Variants in ENTPD7 observed in about 807,000 individuals in gnomAD.
The protein encoded by ENTPD7 is ectonucleoside triphosphate diphosphohydrolase 7.
A neutral mutation model predicts 77.9 loss-of-function variants in ENTPD7; 53 were observed. That is an observed-to-expected ratio of 0.68 (90% confidence interval 0.55 to 0.85). ENTPD7 has a LOEUF of 0.85. Among genes scored for constraint, ENTPD7 ranks in the 40% least tolerant of loss-of-function variants. The probability of loss-of-function intolerance (pLI) is 0.00; values close to 1 mark genes in which losing one functional copy is unlikely to be tolerated. For synonymous variants in ENTPD7, 248 were observed against 274.9 expected (o/e 0.90, Z 0.97); for missense variants, 636 against 743.7 (o/e 0.86, Z 1.68).
intron 3 of ENTPD7, among the ~76,000 whole-genome samples, chr10:99,663,353 G>T (rs572293374): frequency 3.7e-4 from 56 of 151,638 alleles, no homozygotes; most frequent in African/African-American, 1.3e-3. Context: ...TGTTCTCTCT[G>T]TATAGAATGT....
At chr10:99,681,388 C>T (rs532524164) in intron 5 of ENTPD7, among the ~76,000 whole-genome samples, 133 of 152,210 alleles carry the variant, frequency 8.7e-4, no homozygotes, top group Middle Eastern at 3.4e-3. Context: ...AGGTGATTCT[C>T]CCACCTCAGC....
At chr10:99,669,451 AT>A (rs564277266) in intron 3 of ENTPD7, among the ~76,000 whole-genome samples, 51 of 151,936 alleles carry the variant, frequency 3.4e-4, no homozygotes, top group African/African-American at 1.2e-3. Context: ...AAAGACTTAC[AT>A]TTTTTTTCTT....
chr10:99,690,728 G>A (rs1265843210), intron 7 of ENTPD7, among the ~76,000 whole-genome samples: 2 of 151,056 alleles, frequency 1.3e-5, no homozygotes, highest in Non-Finnish European at 3.0e-5. Flanking sequence ...TTTTAGTAGA[G>A]ACAGGGTTTC....
At chr10:99,698,112 C>T (rs759301890) in intron 9 of ENTPD7, among the ~76,000 whole-genome samples, 2 of 152,160 alleles carry the variant, frequency 1.3e-5, no homozygotes, top group South Asian at 2.1e-4. Flanking sequence ...GGGCCACTGC[C>T]GTGGTCTGCT....
intron 3 of ENTPD7, among the ~76,000 whole-genome samples, chr10:99,666,108 G>A (rs2035547068): frequency 6.6e-6 from 1 of 152,206 alleles, no homozygotes; most frequent in African/African-American, 2.4e-5. Flanking sequence ...GCTAGATCAA[G>A]CTGAGTCTGT....
In ENTPD7 at chr10:99,679,970, C is replaced by T. The variant is rs1335205923; in HGVS notation, c.548+95C>T. On this transcript the variant is annotated intron_variant, in intron 5 of 12. Transcript: ENST00000370489. ...GTCCTCTGTGGTTCCCTGGTCTATACCCCTAAACCCAATTATGACACAATC... is the reference window on the plus strand; with the variant it reads ...GTCCTCTGTGGTTCCCTGGTCTATATCCCTAAACCCAATTATGACACAATC... 17 of 1,395,330 alleles carry T rather than the reference C, an allele frequency of 1.2e-5. 1 individual carries two copies. In the Admixed American group the frequency reaches 3.9e-4, roughly 32 times the overall value. The allele number at this position is 1,395,330 out of a possible 1,614,324, so 86.4% of individuals were successfully genotyped here.
chr10:99,680,860 A>G (rs1185524842), intron 5 of ENTPD7, among the ~76,000 whole-genome samples: 1 of 152,188 alleles, frequency 6.6e-6, no homozygotes, highest in Non-Finnish European at 1.5e-5. Flanking sequence ...TTCAAGCGTC[A>G]GCTACCATGT....
chr10:99,660,022 G>T (rs1331748545), intron 2 of ENTPD7, 58 bp downstream of exon 2: 1 of 1,612,242 alleles, frequency 6.2e-7, no homozygotes, highest in Non-Finnish European at 8.5e-7. Context: ...CAGGCAGGTT[G>T]GGGGGCCCTG....
At position 99,698,636 on chromosome 10, in the gene ENTPD7, A is replaced by C; in HGVS notation, c.1113A>C (p.Leu371Phe). 1 of 1,614,228 alleles carries C rather than the reference A, an allele frequency of 6.2e-7. No individual in the cohort carries two copies. The highest frequency in any genetic ancestry group is 8.5e-7 in the Non-Finnish European group (1 of 1,180,032). ...TDVVERNSQV[L>F]HVRGRGDWVS... ...TGGTGGAGAGGAACAGCCAAGTCTT[A>C]CATGTCCGAGGAAGAGGAGACTGGG... The change falls in exon 10 of 13, where the codon TTA (leucine) becomes TTC (phenylalanine). Residue 371 changes from leucine to phenylalanine, a missense_variant. This residue lies in a region of ENTPD7 where 486 missense variants were observed against 556.5 expected (regional missense o/e 0.87). Transcript: ENST00000370489.
intron 6 of ENTPD7, among the ~76,000 whole-genome samples, chr10:99,687,922 A>G (rs931146552): frequency 2.0e-5 from 3 of 152,162 alleles, no homozygotes; most frequent in Non-Finnish European, 4.4e-5. Context: ...AGGGAGCCTA[A>G]ATAAACAATA....
rs1590072644 is a variant in ENTPD7, at chr10:99,709,520, A to G, written c.*4837A>G. On this transcript the variant is annotated 3_prime_UTR_variant, in exon 13 of 13. Transcript: ENST00000370489. ...TCAAAACCAAAAGTTGTGATTAATA[A>G]TAACAGGATTATTAGTCAATAATAT... 2.0e-6 allele frequency: 2 copies of G among 983,754 alleles called. No individual in the cohort carries two copies. The highest frequency in any genetic ancestry group is 1.1e-4 in the East Asian group (1 of 8,806). 60.9% of individuals were successfully genotyped at this position (983,754 alleles called of 1,614,324 possible).
At chr10:99,687,864 A>G (rs2035834114) in intron 6 of ENTPD7, among the ~76,000 whole-genome samples, 1 of 152,086 alleles carries the variant, frequency 6.6e-6, no homozygotes, top group African/African-American at 2.4e-5. Context: ...TCTGCCATGC[A>G]CTTCTCATGA....
intron 11 of ENTPD7, 55 bp from the exon 12 acceptor site, chr10:99,702,457 A>G: frequency 6.9e-7 from 1 of 1,445,296 alleles, no homozygotes; most frequent in Non-Finnish European, 9.2e-7. Context: ...ATTGCAAAGG[A>G]AAGTATTAGA....
At chr10:99,682,819 G>A (rs1290309045) in intron 5 of ENTPD7, among the ~76,000 whole-genome samples, 2 of 152,190 alleles carry the variant, frequency 1.3e-5, no homozygotes, top group South Asian at 4.1e-4. Context: ...AAAGGCCAAG[G>A]AAAGGGGAGG....
chr10:99,692,757 T>C (rs147425335), intron 8 of ENTPD7, among the ~76,000 whole-genome samples: 3 of 152,322 alleles, frequency 2.0e-5, no homozygotes, highest in African/African-American at 7.2e-5. Context: ...CTGGCTTTTA[T>C]TTCCATAGAT....
At chr10:99,702,751 T>C in intron 12 of ENTPD7, 78 bp downstream of exon 12, 4 of 1,392,014 alleles carry the variant, frequency 2.9e-6, no homozygotes, top group Non-Finnish European at 3.8e-6. Context: ...TTCTTTCTTT[T>C]TTTTTTTAAC....
intron 4 of ENTPD7, 82 bp from the exon 5 acceptor site, chr10:99,679,643 C>G (rs1473124755): frequency 1.3e-5 from 19 of 1,516,156 alleles, no homozygotes; most frequent in Non-Finnish European, 1.7e-5. Flanking sequence ...TTGAGGAGAA[C>G]TTTATAGGGT....
At chr10:99,672,307 C>CTTT (rs35775014) in intron 3 of ENTPD7, among the ~76,000 whole-genome samples, 1 of 138,674 alleles carries the variant, frequency 7.2e-6, no homozygotes, top group Non-Finnish European at 1.5e-5. Context: ...GTTACTTGAT[C>CTTT]TTTTTTTTTT....
chr10:99,679,623 G>A (rs1181541322), intron 4 of ENTPD7, 102 bp from the exon 5 acceptor site: 2 of 1,474,580 alleles, frequency 1.4e-6, no homozygotes, highest in African/African-American at 1.4e-5. Context: ...ATAAATAAAT[G>A]TTTAGGACCT....
Sources: allele counts gnomAD v4.1 joint callset (sites outside exome capture counted in the v4.1 genomes callset), GRCh38; gene constraint gnomAD v4.1.1; regional missense constraint gnomAD v4.1.1; transcripts MANE v1.5; gene names NCBI Gene and HGNC (gene_info 2026-07-23, HGNC 2026-07-21).